CCDC150: variants seen among roughly 807,000 people sequenced by gnomAD.
CCDC150 encodes coiled-coil domain-containing protein 150.
CCDC150 carries 151 observed loss-of-function variants against 156.5 expected under a neutral mutation model. The ratio of observed to expected loss-of-function variants is 0.97; its 90% CI spans 0.85 to 1.10. CCDC150 has a LOEUF of 1.10. Among genes scored for constraint, CCDC150 ranks in the 50% least tolerant of loss-of-function variants. CCDC150 has a pLI of 0.00. For synonymous variants in CCDC150, 452 were observed against 429.4 expected, an observed-to-expected ratio of 1.05 and a Z score of -0.65; for missense variants, 1,312 against 1,268.1, an observed-to-expected ratio of 1.03 and a Z score of -0.53.
intron 13 of CCDC150, among the ~76,000 whole-genome samples, chr2:196,684,830 A>G (rs1173933420): frequency 2.6e-5 from 4 of 151,958 alleles, no homozygotes; most frequent in Admixed American, 1.3e-4. Flanking sequence ...CTTAATGTCT[A>G]TTTTGTCTAA....
chr2:196,710,308 G>T (rs578059378), intron 15 of CCDC150, among the ~76,000 whole-genome samples: 25 of 152,402 alleles, frequency 1.6e-4, no homozygotes, highest in Non-Finnish European at 2.2e-4. Context: ...CGCCAAGCCA[G>T]GCGCAGGATA....
intron 13 of CCDC150, among the ~76,000 whole-genome samples, chr2:196,687,354 A>G (rs956348849): frequency 2.6e-5 from 4 of 152,054 alleles, no homozygotes; most frequent in Admixed American, 2.6e-4. Context: ...TTTGATTTAC[A>G]TTTCTCTGAT....
intron 1 of CCDC150, among the ~76,000 whole-genome samples, chr2:196,642,894 C>T (rs1485434339): frequency 1.3e-5 from 2 of 152,194 alleles, no homozygotes; most frequent in African/African-American, 4.8e-5. Flanking sequence ...CACAGGCCAC[C>T]ATGCCCAGCT....
intron 17 of CCDC150, chr2:196,713,435 A>G: frequency 6.5e-7 from 1 of 1,550,264 alleles, no homozygotes; most frequent in South Asian, 1.2e-5. Context: ...CCATGTAAAC[A>G]GTATAAAGGA....
chr2:196,716,439 A>G (rs1455245564), intron 17 of CCDC150, among the ~76,000 whole-genome samples: 2 of 152,260 alleles, frequency 1.3e-5, no homozygotes, highest in Non-Finnish European at 2.9e-5. Context: ...CTATTGATAC[A>G]TGCAGCAGAT....
At chr2:196,666,698 G>A (rs747110491) in intron 6 of CCDC150, 21 bp from the exon 7 acceptor site, 1 of 1,571,528 alleles carries the variant, frequency 6.4e-7, no homozygotes, top group East Asian at 2.3e-5. Context: ...CAGAAAAAGA[G>A]TTTTTCTTAT....
chr2:196,665,566 G>C lies in CCDC150; in HGVS notation c.646-1G>C, dbSNP rs1173391164. The C allele has an allele frequency of 5.7e-6, 9 of 1,582,548 alleles. No individual in the cohort carries two copies. Among genetic ancestry groups the C allele is most frequent in the African/African-American group, 2.7e-5 (2 of 74,240 alleles). The stretch of plus-strand genomic sequence containing the variant: ...TGCCTAACTGCAGTGTTGCTTTGTA[G>C]CTAAGGAGACAACTGGCTCAGGAGA... On this transcript the variant is annotated splice_acceptor_variant, in intron 5 of 27. Transcript: ENST00000389175. LOFTEE classifies it high-confidence loss of function.
intron 13 of CCDC150, among the ~76,000 whole-genome samples, chr2:196,691,951 C>T (rs1203308094): frequency 6.6e-6 from 1 of 151,810 alleles, no homozygotes; most frequent in Non-Finnish European, 1.5e-5. Flanking sequence ...AAAAACAAAA[C>T]AAAAACAGCT....
At chr2:196,660,767 T>C (rs1575774117) in intron 5 of CCDC150, among the ~76,000 whole-genome samples, 1 of 152,250 alleles carries the variant, frequency 6.6e-6, no homozygotes, top group African/African-American at 2.4e-5. Context: ...CTTTTTATGC[T>C]CTTAGCTGTC....
At chr2:196,710,866 G>GT (rs199830867) in intron 15 of CCDC150, among the ~76,000 whole-genome samples, 13,769 of 147,774 alleles carry the variant, frequency 0.093, 767 homozygotes, top group African/African-American at 0.17. Flanking sequence ...TTTAACGGTA[G>GT]TTTTTTTTTT....
intron 13 of CCDC150, among the ~76,000 whole-genome samples, chr2:196,690,056 T>C (rs990536222): frequency 1.3e-5 from 2 of 152,192 alleles, no homozygotes; most frequent in Admixed American, 6.5e-5. Context: ...TAAAAAATGA[T>C]GAGTTCATGT....
intron 24 of CCDC150, 23 bp downstream of exon 24, chr2:196,729,884 G>A (rs768607508): frequency 6.3e-7 from 1 of 1,599,996 alleles, no homozygotes; most frequent in Non-Finnish European, 8.5e-7. Flanking sequence ...CATATACTCT[G>A]TGTTTACCTT....
intron 7 of CCDC150, among the ~76,000 whole-genome samples, chr2:196,668,295 TA>T (rs55945331): frequency 0.22 from 20,680 of 91,992 alleles, 1,700 homozygotes; most frequent in Non-Finnish European, 0.27. Context: ...AAACTCCATC[TA>T]AAAAAAAAAA....
intron 13 of CCDC150, among the ~76,000 whole-genome samples, chr2:196,693,434 T>A (rs892676018): frequency 5.3e-5 from 8 of 152,250 alleles, no homozygotes; most frequent in Middle Eastern, 3.2e-3. Context: ...TAAATGGCAT[T>A]TTAATGAAAC....
At chr2:196,696,646 C>T (rs1234850118) in intron 14 of CCDC150, among the ~76,000 whole-genome samples, 2 of 152,190 alleles carry the variant, frequency 1.3e-5, no homozygotes, top group African/African-American at 4.8e-5. Flanking sequence ...TCTGTCTCCA[C>T]CCAGAAGCGT....
chr2:196,649,133 T>A (rs1692725315), intron 2 of CCDC150, among the ~76,000 whole-genome samples: 1 of 152,228 alleles, frequency 6.6e-6, no homozygotes, highest in South Asian at 2.1e-4. Flanking sequence ...CTTTTGTGGT[T>A]CCATATGAAT....
chr2:196,675,159 G>A (rs1184356135), intron 10 of CCDC150, among the ~76,000 whole-genome samples: 1 of 152,052 alleles, frequency 6.6e-6, no homozygotes, highest in African/African-American at 2.4e-5. Context: ...TACACTGTGA[G>A]CTCTCTAGAG....
rs1693806302 is a variant in CCDC150 at position 196,665,701 on chromosome 2, C to T, written c.762+18C>T. On this transcript the variant is annotated intron_variant, in intron 6 of 27. Transcript: ENST00000389175. Reference sequence around the variant, plus strand: ...GAAAACAGGTAGAAAGATTTCTTCTCCTTATGTGGTTTGGGAAATGAAACC... The same window carrying T: ...GAAAACAGGTAGAAAGATTTCTTCTTCTTATGTGGTTTGGGAAATGAAACC... 4.1e-6 allele frequency: 6 copies of T among 1,456,486 alleles called. No individual in the cohort carries two copies. Among genetic ancestry groups the T allele is most frequent in the Non-Finnish European group, 4.7e-6 (5 of 1,069,080 alleles). The allele number at this position is 1,456,486 out of a possible 1,614,324, so 90.2% of individuals were successfully genotyped here.
intron 23 of CCDC150, 163 bp downstream of exon 23, chr2:196,729,550 G>C: frequency 1.4e-6 from 1 of 702,848 alleles, no homozygotes; most frequent in Non-Finnish European, 2.4e-6. Flanking sequence ...AGTCACTGCT[G>C]TGTAAATGTT....
Sources: gnomAD v4.1 joint callset for allele counts (sites outside exome capture counted in the v4.1 genomes callset) on GRCh38, gnomAD v4.1.1 for gene constraint, MANE v1.5 for transcripts, NCBI Gene and HGNC (gene_info 2026-07-23, HGNC 2026-07-21) for gene names.